The following TAS2R1 variants were observed in gnomAD, a reference collection of about 807,000 sequenced individuals.
The protein encoded by TAS2R1 is taste receptor type 2 member 1.
For missense variants in TAS2R1, 370 were observed against 353.4 expected (o/e 1.05, Z -0.38); for synonymous variants, 141 against 134.2 (o/e 1.05, Z -0.35).
chr5:9,817,964 G>A, the TAS2R1 span, among the ~76,000 whole-genome samples: 3 of 152,024 alleles, frequency 2.0e-5, 1 homozygote, highest in South Asian at 4.1e-4. Context: ...AAAATAGCAT[G>A]GGAGAAACTG....
At chr5:9,800,584 T>C in the TAS2R1 span, among the ~76,000 whole-genome samples, 23 of 152,110 alleles carry the variant, frequency 1.5e-4, no homozygotes, top group African/African-American at 5.6e-4. Context: ...AGTAGATGTG[T>C]AGGCACCTCC....
the TAS2R1 span, among the ~76,000 whole-genome samples, chr5:9,869,580 A>G: frequency 0.23 from 34,559 of 152,106 alleles, 4,447 homozygotes; most frequent in African/African-American, 0.35. Context: ...CAGAGTACCT[A>G]TGTGATCAGC....
chr5:9,820,210 G>A, the TAS2R1 span, among the ~76,000 whole-genome samples: 1 of 152,150 alleles, frequency 6.6e-6, no homozygotes, highest in Non-Finnish European at 1.5e-5. Context: ...TGGAAAGGAA[G>A]TCACTAGAAA....
chr5:9,791,217 C>T, the TAS2R1 span, among the ~76,000 whole-genome samples: 4 of 152,194 alleles, frequency 2.6e-5, no homozygotes, highest in South Asian at 6.2e-4. Flanking sequence ...CACACACACA[C>T]GGATCATGGG....
chr5:9,785,395 A>C, the TAS2R1 span, among the ~76,000 whole-genome samples: 4 of 152,238 alleles, frequency 2.6e-5, no homozygotes, highest in African/African-American at 9.6e-5. Context: ...GCCATCTTCC[A>C]AGGCTCTAAA....
Position 9,629,414 on chromosome 5 carries a change from G to C in TAS2R1, c.619C>G (p.Gln207Glu). 1.2e-6 allele frequency: 2 copies of C among 1,614,144 alleles called. No individual in the cohort carries two copies. Among genetic ancestry groups the C allele is most frequent in the Non-Finnish European group, 1.7e-6 (2 of 1,180,028 alleles). ...LIFSLGRHTR[Q>E]MRNTVAGSRV... is the part of the protein sequence containing the mutation. ...CTGCCGGCCACTGTGTTTCTCATTT[G>C]CCGGGTGTGCCTCCCCAGAGAGAAA... Residue 207 changes from glutamine (Q) to glutamate (E), a missense_variant, in exon 1 of 1, where the codon CAA becomes GAA. Gln to Glu is a conservative substitution (Grantham distance 29, BLOSUM62 2). Coordinates refer to ENST00000382492, the MANE Select transcript of TAS2R1 (RefSeq NM_019599.3).
intron 2 of TAS2R1, among the ~76,000 whole-genome samples, chr5:9,643,573 G>C (rs986251509): frequency 6.6e-6 from 1 of 152,084 alleles, no homozygotes; most frequent in African/African-American, 2.4e-5. Flanking sequence ...ATACACTTAG[G>C]CTACTCTAAA....
At chr5:9,871,314 C>T in the TAS2R1 span, among the ~76,000 whole-genome samples, 2 of 152,202 alleles carry the variant, frequency 1.3e-5, no homozygotes, top group Admixed American at 1.3e-4. Flanking sequence ...TATGTCCTTT[C>T]CAAGCTTGGC....
the TAS2R1 span, among the ~76,000 whole-genome samples, chr5:9,874,716 G>A: frequency 6.6e-6 from 1 of 152,124 alleles, no homozygotes; most frequent in African/African-American, 2.4e-5. Context: ...TCCCAGACTT[G>A]GAGCCCCAAG....
chr5:9,782,517 G>A, the TAS2R1 span, among the ~76,000 whole-genome samples: 1 of 152,194 alleles, frequency 6.6e-6, no homozygotes, highest in Non-Finnish European at 1.5e-5. Flanking sequence ...GCTGGAACTG[G>A]TCTGAACATT....
the TAS2R1 span, among the ~76,000 whole-genome samples, chr5:9,896,184 A>G: frequency 2.4e-4 from 37 of 152,316 alleles, no homozygotes; most frequent in African/African-American, 8.7e-4. Flanking sequence ...GTTTCTGCCT[A>G]TCAGAGGGTG....
chr5:9,717,109 C>T (rs772344486), upstream of TAS2R1, among the ~76,000 whole-genome samples: 1 of 152,006 alleles, frequency 6.6e-6, no homozygotes, highest in African/African-American at 2.4e-5. Flanking sequence ...CAGAGGGCCA[C>T]GAGGAAGCAC....
chr5:9,731,098 GCCCT>G, the TAS2R1 span, among the ~76,000 whole-genome samples: 1 of 152,038 alleles, frequency 6.6e-6, no homozygotes, highest in African/African-American at 2.4e-5. Context: ...CGACAGGTAT[GCCCT>G]CCACCAGCTG....
the TAS2R1 span, among the ~76,000 whole-genome samples, chr5:9,869,673 A>C: frequency 3.7e-4 from 57 of 152,332 alleles, no homozygotes; most frequent in African/African-American, 1.3e-3. Flanking sequence ...TTCATTGCTG[A>C]GGTAATTAAG....
At chr5:9,792,819 T>C in the TAS2R1 span, among the ~76,000 whole-genome samples, 2 of 152,212 alleles carry the variant, frequency 1.3e-5, no homozygotes, top group Non-Finnish European at 2.9e-5. Flanking sequence ...TGAAGGCCTC[T>C]ATATGATCTT....
chr5:9,795,543 G>A, the TAS2R1 span, among the ~76,000 whole-genome samples: 1 of 152,154 alleles, frequency 6.6e-6, no homozygotes, highest in Admixed American at 6.5e-5. Context: ...TGCCATTGGA[G>A]GTTTCGGATA....
chr5:9,714,749 T>C (rs976797494), upstream of TAS2R1, among the ~76,000 whole-genome samples: 1 of 152,240 alleles, frequency 6.6e-6, no homozygotes, highest in Admixed American at 6.5e-5. Context: ...AAGCCTTTCA[T>C]GTTCCAAAGG....
the TAS2R1 span, among the ~76,000 whole-genome samples, chr5:9,754,385 A>G: frequency 6.6e-6 from 1 of 152,200 alleles, no homozygotes; most frequent in African/African-American, 2.4e-5. Flanking sequence ...CCTATTCAAC[A>G]TAGTCTTGGA....
chr5:9,718,053 G>A, the TAS2R1 span, among the ~76,000 whole-genome samples: 2 of 152,148 alleles, frequency 1.3e-5, no homozygotes, highest in African/African-American at 4.8e-5. Context: ...TCTGCCTCCC[G>A]GGTTCAAGCA....
Sources: gnomAD v4.1 joint callset for allele counts (sites outside exome capture counted in the v4.1 genomes callset) on GRCh38, gnomAD v4.1.1 for gene constraint, MANE v1.5 for transcripts, NCBI Gene and HGNC (gene_info 2026-07-23, HGNC 2026-07-21) for gene names.